Variants in DST observed in about 807,000 individuals in gnomAD.
The protein encoded by DST is dystonin.
A neutral mutation model predicts 875.2 loss-of-function variants in DST; 253 were observed. The ratio of observed to expected loss-of-function variants is 0.29; its 90% confidence interval spans 0.26 to 0.32. The LOEUF is 0.32. Among genes scored for constraint, DST ranks in the 10% least tolerant of loss-of-function variants. The pLI is 1.00. For synonymous variants in DST, 3,124 were observed against 3,197.1 expected, an observed-to-expected ratio of 0.98 and a Z score of 0.77; for missense variants, 8,287 against 9,111.6, an observed-to-expected ratio of 0.91 and a Z score of 3.68.
chr6:56,766,907 T>C (rs2099634829), intron 4 of DST, among the ~76,000 whole-genome samples: 1 of 152,226 alleles, frequency 6.6e-6, no homozygotes, highest in Non-Finnish European at 1.5e-5. Flanking sequence ...GGACAACCCA[T>C]GCTTTAAAAA....
chr6:56,596,585 TAATAGCCCGTTAA>T (rs907346643), intron 47 of DST, among the ~76,000 whole-genome samples: 2 of 152,248 alleles, frequency 1.3e-5, no homozygotes, highest in African/African-American at 4.8e-5. Context: ...TAAGGTCCTA[TAATAGCCCGTTAA>T]AATTGTGAGC....
chr6:56,655,729 A>C (rs1389196373), intron 10 of DST, among the ~76,000 whole-genome samples: 2 of 152,154 alleles, frequency 1.3e-5, no homozygotes, highest in Non-Finnish European at 2.9e-5. Flanking sequence ...TGTCCACTGC[A>C]TACCTCACCC....
rs556980365 is a variant in DST, at chr6:56,830,147, A to G, written c.625+21250T>C. Among the ~76,000 whole-genome samples the G allele has an allele frequency of 5.3e-5, 8 of 152,306 alleles. No individual in the cohort carries two copies. In the South Asian group the frequency reaches 1.0e-3, roughly 20 times the overall value. On this transcript the variant is annotated intron_variant, in intron 4 of 103. Transcript: ENST00000680361. ...CTTGTAATTACATGGAAAAATACCA[A>G]TGTAATAATATTAACCAAAAACTGT...
intron 9 of DST, among the ~76,000 whole-genome samples, chr6:56,698,617 G>A (rs568810939): frequency 2.6e-5 from 4 of 152,234 alleles, no homozygotes; most frequent in East Asian, 1.9e-4. Context: ...GAGCCACCGC[G>A]CCCAGCCTTT....
chr6:56,641,930 A>G lies in DST; in HGVS notation c.2027+17T>C, dbSNP rs748002906. 1.3e-6 allele frequency: 2 copies of G among 1,581,092 alleles called. No homozygotes were observed. Among genetic ancestry groups the G allele is most frequent in the Non-Finnish European group, 1.7e-6 (2 of 1,164,276 alleles). On this transcript the variant is annotated intron_variant, in intron 17 of 103. Transcript: ENST00000680361. ...TACACAAAAAAAGGACAGAGAAAGAATAAGTAGCACTCTTACCTCTGTACC... is the reference window on the plus strand; with the variant it reads ...TACACAAAAAAAGGACAGAGAAAGAGTAAGTAGCACTCTTACCTCTGTACC...
rs370997487 is a variant in DST at position 56,669,680 on chromosome 6, T to C, written c.1214+961A>G. Among the ~76,000 whole-genome samples the C allele has an allele frequency of 1.4e-3, 206 of 152,120 alleles. 7 individuals are homozygous for C. The South Asian group carries it at 0.042, about 31-fold the overall frequency. ...AGCTTCTTATAAGGCAATAAGAACA[T>C]GAACTCAAGAGCCAGATTGCCTAGG... On this transcript the variant is annotated intron_variant, in intron 10 of 103. Coordinates refer to ENST00000680361, the MANE Select transcript of DST (RefSeq NM_001374736.1).
Position 56,552,730 on chromosome 6 carries a change from T to A in DST, c.16062A>T (p.Leu5354Phe), listed in dbSNP as rs769926195. Residue 5354 changes from leucine (L) to phenylalanine (F), a missense_variant, in exon 61 of 104, where the codon TTA (leucine) becomes TTT (phenylalanine). By Grantham distance (22) the Leu-to-Phe change is conservative. Coordinates refer to ENST00000680361, the MANE Select transcript of DST (RefSeq NM_001374736.1). ...SDSKGTSDVL[L>F]QVETIAQEHS... ...GCTCTTGAGCTATGGTTTCCACTTG[T>A]AATAAAACATCAGAGGTTCCCTTTG... 1.9e-6 allele frequency: 3 copies of A among 1,612,096 alleles called. No individual in the cohort carries two copies. The Admixed American group carries it at 5.0e-5, about 27-fold the overall frequency.
chr6:56,566,093 A>G (rs1020708863), intron 55 of DST, among the ~76,000 whole-genome samples: 1 of 152,170 alleles, frequency 6.6e-6, no homozygotes, highest in African/African-American at 2.4e-5. Flanking sequence ...CTGTGCTGGC[A>G]GTGAGAATTT....
At chr6:56,936,003 A>C (rs940250292) in intron 2 of DST, among the ~76,000 whole-genome samples, 1 of 152,210 alleles carries the variant, frequency 6.6e-6, no homozygotes, top group Non-Finnish European at 1.5e-5. Flanking sequence ...CAAAATGAAT[A>C]ATCTATTGAT....
At chr6:56,508,103 T>C (rs2096382476) in intron 75 of DST, among the ~76,000 whole-genome samples, 1 of 152,180 alleles carries the variant, frequency 6.6e-6, no homozygotes, top group Admixed American at 6.5e-5. Context: ...GGCACGATCT[T>C]GGCTGACTGT....
At chr6:56,782,478 C>A in intron 4 of DST, among the ~76,000 whole-genome samples, 1 of 152,202 alleles carries the variant, frequency 6.6e-6, no homozygotes, top group Non-Finnish European at 1.5e-5. Flanking sequence ...AGGAATTTAT[C>A]CATTTCTTCT....
rs780240800 is a variant in DST at position 56,604,283 on chromosome 6, A to G, written c.10345T>C (p.Leu3449=). The G allele has an allele frequency of 2.0e-5, 32 of 1,611,998 alleles. No individual in the cohort carries two copies. The highest frequency in any genetic ancestry group is 5.3e-5 in the African/African-American group (4 of 74,836). ...TTTTGGCTATGTTGATCTTGCTTCA[A>G]TATATTAAGGAGAAGCTCAGACTTA... ...NLKSELLLNI[L]KQDQHSQKIT... is the part of the protein sequence containing the mutation. Residue 3449 remains leucine, a synonymous_variant, in exon 40 of 104, where the codon TTG becomes CTG. Transcript: ENST00000680361.
chr6:56,711,684 C>T (rs1164685014), intron 5 of DST, among the ~76,000 whole-genome samples: 1 of 152,148 alleles, frequency 6.6e-6, no homozygotes, highest in African/African-American at 2.4e-5. Flanking sequence ...TGACAAACTC[C>T]ACACTACAAT....
chr6:56,782,797 T>C (rs1344408406), intron 4 of DST, among the ~76,000 whole-genome samples: 2 of 152,230 alleles, frequency 1.3e-5, no homozygotes, highest in Non-Finnish European at 2.9e-5. Context: ...GCTTCTCTAG[T>C]TCTTTTAATT....
intron 4 of DST, among the ~76,000 whole-genome samples, chr6:56,782,402 C>T (rs974996818): frequency 6.6e-6 from 1 of 152,128 alleles, no homozygotes; most frequent in African/African-American, 2.4e-5. Flanking sequence ...AATTTCAGAG[C>T]CTGTTATTGG....
At chr6:56,873,393 C>A (rs1778247702) in intron 3 of DST, among the ~76,000 whole-genome samples, 1 of 152,070 alleles carries the variant, frequency 6.6e-6, no homozygotes, top group Non-Finnish European at 1.5e-5. Flanking sequence ...TGAGGTCTTA[C>A]TGAAGAAATC....
At chr6:56,477,168 A>G (rs1401578476) in intron 91 of DST, among the ~76,000 whole-genome samples, 177 bp downstream of exon 91, 1 of 152,190 alleles carries the variant, frequency 6.6e-6, no homozygotes, top group Non-Finnish European at 1.5e-5. Context: ...TTGAGCTTTT[A>G]AAGAAAAGTG....
chr6:56,534,121 A>G (rs1471013414), intron 63 of DST, among the ~76,000 whole-genome samples: 4 of 152,176 alleles, frequency 2.6e-5, no homozygotes, highest in African/African-American at 9.6e-5. Context: ...TATACAGTAC[A>G]TTATTAGCAG....
intron 3 of DST, among the ~76,000 whole-genome samples, chr6:56,895,043 C>A (rs1790458216): frequency 8.8e-6 from 1 of 113,042 alleles, no homozygotes; most frequent in Non-Finnish European, 1.8e-5. Context: ...GACCCCCCAC[C>A]TCCCTCCTGG....
Sources: allele counts gnomAD v4.1 joint callset (sites outside exome capture counted in the v4.1 genomes callset), GRCh38; gene constraint gnomAD v4.1.1; transcripts MANE v1.5; gene names NCBI Gene and HGNC (gene_info 2026-07-23, HGNC 2026-07-21).